The following IQCM variants were observed in gnomAD, a reference collection of about 807,000 sequenced individuals.
IQCM encodes IQ motif containing M.
A neutral mutation model predicts 57.6 loss-of-function variants in IQCM; 45 were observed. The ratio of observed to expected loss-of-function variants is 0.78; its 90% CI spans 0.62 to 1.00. The LOEUF (loss-of-function observed/expected upper bound fraction) is 1.00, where lower values mean the gene tolerates loss of function less well. Ranked by LOEUF, IQCM falls within the 50% of genes least tolerant of loss-of-function variation. The pLI, the probability that IQCM is intolerant of heterozygous loss-of-function variation, is 0.00. For missense variants in IQCM, 468 were observed against 511.6 expected (o/e 0.91, Z 0.82); for synonymous variants, 148 against 158.9 (o/e 0.93, Z 0.51).
chr4:149,593,219 T>C (rs1191984040), intron 8 of IQCM, among the ~76,000 whole-genome samples: 2 of 152,144 alleles, frequency 1.3e-5, no homozygotes, highest in Non-Finnish European at 2.9e-5. Context: ...TTTGAAGCAA[T>C]TGTGAATGGG....
chr4:149,391,027 A>C (rs1027487514), intron 13 of IQCM, among the ~76,000 whole-genome samples: 1 of 151,970 alleles, frequency 6.6e-6, no homozygotes, highest in Admixed American at 6.6e-5. Context: ...TGGCATGAGG[A>C]TAGACAGAGA....
chr4:149,486,019 C>G (rs752901886), intron 12 of IQCM, among the ~76,000 whole-genome samples: 70 of 16,720 alleles, frequency 4.2e-3, no homozygotes, highest in Non-Finnish European at 6.2e-3. Flanking sequence ...CAAACAGAGT[C>G]TCTCTCTCTC....
intron 8 of IQCM, among the ~76,000 whole-genome samples, chr4:149,612,136 C>G (rs886755719): frequency 2.0e-5 from 3 of 151,760 alleles, no homozygotes; most frequent in Non-Finnish European, 4.4e-5. Flanking sequence ...CACACACCTT[C>G]AAGCAATCAG....
chr4:149,678,965 G>A (rs570190669), intron 7 of IQCM, among the ~76,000 whole-genome samples: 1 of 151,768 alleles, frequency 6.6e-6, no homozygotes, highest in Non-Finnish European at 1.5e-5. Context: ...ATTCAGAACA[G>A]TATGAAGTTT....
At chr4:149,632,300 G>A (rs1258042740) in intron 7 of IQCM, among the ~76,000 whole-genome samples, 1 of 152,174 alleles carries the variant, frequency 6.6e-6, no homozygotes. Flanking sequence ...GTGAAAGAAT[G>A]ATTAAGCTTT....
chr4:149,361,247 G>T (rs1483664223), intron 13 of IQCM, among the ~76,000 whole-genome samples: 2 of 152,146 alleles, frequency 1.3e-5, no homozygotes, highest in African/African-American at 4.8e-5. Context: ...AGTTTTATAA[G>T]GGAAGCAGAG....
chr4:149,498,001 C>A (rs988810452), intron 12 of IQCM, among the ~76,000 whole-genome samples: 5 of 152,092 alleles, frequency 3.3e-5, no homozygotes, highest in Non-Finnish European at 7.4e-5. Flanking sequence ...ACACCACATT[C>A]TAAAGACTAG....
At chr4:149,420,689 A>G (rs963146706) in intron 13 of IQCM, among the ~76,000 whole-genome samples, 1 of 152,068 alleles carries the variant, frequency 6.6e-6, no homozygotes, top group African/African-American at 2.4e-5. Context: ...ACTTAAAACA[A>G]GAAACTGAAA....
At chr4:149,669,188 G>A (rs1231467581) in intron 7 of IQCM, among the ~76,000 whole-genome samples, 1 of 152,116 alleles carries the variant, frequency 6.6e-6, no homozygotes, top group African/African-American at 2.4e-5. Context: ...GGTATGAGAT[G>A]GTATCTCGTT....
chr4:149,782,752 C>T (rs896747404), intron 2 of IQCM, among the ~76,000 whole-genome samples: 3 of 151,098 alleles, frequency 2.0e-5, no homozygotes, highest in Admixed American at 2.0e-4. Flanking sequence ...TTTAAAAAAG[C>T]AAGGAATAGA....
intron 12 of IQCM, among the ~76,000 whole-genome samples, chr4:149,506,990 C>A (rs1579297914): frequency 6.6e-6 from 1 of 152,166 alleles, no homozygotes; most frequent in Non-Finnish European, 1.5e-5. Flanking sequence ...GTGGAAGGGA[C>A]CTGGGGGCAG....
chr4:149,751,951 T>C (rs1458512806), intron 2 of IQCM, among the ~76,000 whole-genome samples: 1 of 152,126 alleles, frequency 6.6e-6, no homozygotes, highest in African/African-American at 2.4e-5. Flanking sequence ...GGACATGATA[T>C]GCATGGAAGG....
At chr4:149,482,282 T>C (rs1039288005) in intron 12 of IQCM, among the ~76,000 whole-genome samples, 13 of 152,020 alleles carry the variant, frequency 8.6e-5, no homozygotes, top group African/African-American at 3.1e-4. Context: ...CTTCCTCTTG[T>C]CTGATTGCTC....
chr4:149,613,572 T>C (rs974844008), intron 8 of IQCM, among the ~76,000 whole-genome samples: 3 of 150,638 alleles, frequency 2.0e-5, no homozygotes, highest in Non-Finnish European at 4.4e-5. Flanking sequence ...TGTTTTCACT[T>C]TTTTTTTTAA....
intron 9 of IQCM, among the ~76,000 whole-genome samples, chr4:149,575,559 G>C: frequency 6.6e-6 from 1 of 151,728 alleles, no homozygotes; most frequent in East Asian, 1.9e-4. Flanking sequence ...GGTGCCTTCT[G>C]TTCTCTTTTT....
intron 13 of IQCM, among the ~76,000 whole-genome samples, chr4:149,397,650 A>C (rs1732324002): frequency 6.6e-6 from 1 of 152,086 alleles, no homozygotes; most frequent in Non-Finnish European, 1.5e-5. Context: ...ACTCAGTCTC[A>C]GGCTGTTCTT....
intron 2 of IQCM, among the ~76,000 whole-genome samples, chr4:149,782,699 C>T (rs1216027604): frequency 6.6e-6 from 1 of 151,312 alleles, no homozygotes; most frequent in Non-Finnish European, 1.5e-5. Context: ...AAAAACACCA[C>T]TATCAACCAC....
intron 13 of IQCM, among the ~76,000 whole-genome samples, chr4:149,409,725 T>C (rs1359793001): frequency 6.6e-6 from 1 of 152,134 alleles, no homozygotes; most frequent in East Asian, 1.9e-4. Flanking sequence ...TCCTCCACCA[T>C]TTATGAAGAC....
At chr4:149,682,399 T>A (rs1762244781) in intron 6 of IQCM, among the ~76,000 whole-genome samples, 193 bp from the exon 7 acceptor site, 1 of 151,066 alleles carries the variant, frequency 6.6e-6, no homozygotes. Flanking sequence ...ACTACGAAAT[T>A]TTGCTGGTTC....
Sources: allele counts gnomAD v4.1 joint callset (sites outside exome capture counted in the v4.1 genomes callset), GRCh38; gene constraint gnomAD v4.1.1; transcripts MANE v1.5; gene names NCBI Gene and HGNC (gene_info 2026-07-23, HGNC 2026-07-21).